VPS13B: variants seen among roughly 807,000 people sequenced by gnomAD.
VPS13B encodes the protein intermembrane lipid transfer protein VPS13B.
In VPS13B, 285 loss-of-function variants were observed where a neutral mutation model predicts 426.4. That is an observed-to-expected ratio of 0.67 (90% CI 0.61 to 0.74). The LOEUF (loss-of-function observed/expected upper bound fraction) is 0.74. VPS13B is among the 30% of genes least tolerant of loss of function. VPS13B has a pLI of 0.00. For synonymous variants in VPS13B, 1,676 were observed against 1,676.4 expected (o/e 1.00, Z 0.01); for missense variants, 4,537 against 4,782.6 (o/e 0.95, Z 1.51).
intron 3 of VPS13B, among the ~76,000 whole-genome samples, chr8:99,085,063 T>C (rs1845699626): frequency 6.6e-6 from 1 of 152,190 alleles, no homozygotes; most frequent in Admixed American, 6.5e-5. Flanking sequence ...TGTTAACATC[T>C]CCCATTATTA....
chr8:99,793,566 T>C (rs1379948596), intron 43 of VPS13B, among the ~76,000 whole-genome samples: 2 of 152,052 alleles, frequency 1.3e-5, no homozygotes, highest in East Asian at 3.9e-4. Flanking sequence ...ATCACCAGGA[T>C]TTATTATTGA....
At chr8:99,055,994 T>A (rs1488473600) in intron 3 of VPS13B, among the ~76,000 whole-genome samples, 1 of 150,430 alleles carries the variant, frequency 6.6e-6, no homozygotes. Context: ...TCCCACCTTG[T>A]CCTCCCAAGG....
At position 99,321,048 on chromosome 8, in the gene VPS13B, A is replaced by T. The variant is rs564154043; in HGVS notation, c.2824+45794A>T. ...ATTCAGTCACTCCACAAGAAAAGTA[A>T]CTATTGTCAGTTACAGACTGTAGTA... is the stretch of plus-strand genomic sequence containing the variant. On this transcript the variant is annotated intron_variant, in intron 19 of 61. Coordinates refer to ENST00000357162, the MANE Select transcript of VPS13B (RefSeq NM_152564.5). 2.6e-5 allele frequency among the ~76,000 whole-genome samples: 4 copies of T among 152,316 alleles called. No individual in the cohort carries two copies. In the South Asian group the frequency reaches 8.3e-4, roughly 32 times the overall value.
At chr8:99,561,119 T>A (rs1824899522) in intron 31 of VPS13B, among the ~76,000 whole-genome samples, 2 of 152,202 alleles carry the variant, frequency 1.3e-5, no homozygotes, top group African/African-American at 4.8e-5. Context: ...CTACCACCTC[T>A]GTCTAGTTCC....
In VPS13B at chr8:99,557,592, C is replaced by A. The variant is rs184861619; in HGVS notation, c.4949+939C>A. The stretch of plus-strand genomic sequence containing the variant: ...CACCTCTTTACAATTGCGAATTGTG[C>A]TGCTATTAACATGTGTGTGCATGTG... On this transcript the variant is annotated intron_variant, in intron 31 of 61. Coordinates refer to ENST00000357162, the MANE Select transcript of VPS13B (RefSeq NM_152564.5). Among the ~76,000 whole-genome samples, 8 of 152,200 alleles carry A rather than the reference C, an allele frequency of 5.3e-5. No homozygotes were observed. In the East Asian group the frequency reaches 1.2e-3, roughly 22 times the overall value.
intron 19 of VPS13B, among the ~76,000 whole-genome samples, chr8:99,302,241 G>A (rs1182969370): frequency 6.6e-6 from 1 of 152,162 alleles, no homozygotes; most frequent in Non-Finnish European, 1.5e-5. Flanking sequence ...GAACACTTTA[G>A]TATTTTGATG....
At chr8:99,223,005 T>A (rs1815812214) in intron 17 of VPS13B, among the ~76,000 whole-genome samples, 1 of 152,038 alleles carries the variant, frequency 6.6e-6, no homozygotes, top group Non-Finnish European at 1.5e-5. Flanking sequence ...CCCAGCTAAT[T>A]TCTATATTTT....
At chr8:99,564,182 T>C (rs1269451109) in intron 31 of VPS13B, among the ~76,000 whole-genome samples, 1 of 151,400 alleles carries the variant, frequency 6.6e-6, no homozygotes, top group African/African-American at 2.4e-5. Flanking sequence ...AAAACCTTAA[T>C]TTTTTTTTAT....
intron 51 of VPS13B, 127 bp downstream of exon 51, chr8:99,824,105 T>C: frequency 4.2e-6 from 5 of 1,199,314 alleles, no homozygotes; most frequent in Non-Finnish European, 6.0e-6. Flanking sequence ...AATTCACTTA[T>C]TTTTGTTGTA....
At position 99,467,418 on chromosome 8, in the gene VPS13B, T is replaced by C. The variant is rs1382353814; in HGVS notation, c.3450T>C (p.Asp1150=). The C allele has an allele frequency of 1.2e-6, 2 of 1,613,730 alleles. No homozygotes were observed. The highest frequency in any genetic ancestry group is 1.7e-6 in the Non-Finnish European group (2 of 1,179,700). ...VIPRPILEEG[D]AFPWTISLHN... is the part of the protein sequence containing the mutation. ...CCCTTTTATCCCCTATATCAGGTGATGCTTTTCCTTGGACGATCAGCTTGC... is the reference window on the plus strand; with the variant it reads ...CCCTTTTATCCCCTATATCAGGTGACGCTTTTCCTTGGACGATCAGCTTGC... The change falls in exon 24 of 62, where the codon GAT becomes GAC. Residue 1150 remains aspartate (D), a synonymous_variant. Coordinates refer to ENST00000357162, the MANE Select transcript of VPS13B (RefSeq NM_152564.5).
intron 21 of VPS13B, among the ~76,000 whole-genome samples, chr8:99,428,794 T>G (rs562733207): frequency 2.6e-5 from 4 of 152,022 alleles, no homozygotes; most frequent in African/African-American, 9.7e-5. Context: ...ATGCCCAAAG[T>G]ATTATAAATC....
chr8:99,684,540 G>A (rs1421633599), intron 35 of VPS13B, among the ~76,000 whole-genome samples: 1 of 152,134 alleles, frequency 6.6e-6, no homozygotes, highest in Non-Finnish European at 1.5e-5. Flanking sequence ...GGGGGTAGGG[G>A]AGGAAAAATT....
chr8:99,696,098 C>A, intron 35 of VPS13B: 1 of 158,272 alleles, frequency 6.3e-6, no homozygotes, highest in South Asian at 1.9e-4. Context: ...GCAGAAGTGC[C>A]CACGCACGGT....
At chr8:99,669,650 C>T (rs1190083900) in intron 35 of VPS13B, among the ~76,000 whole-genome samples, 1 of 152,106 alleles carries the variant, frequency 6.6e-6, no homozygotes, top group African/African-American at 2.4e-5. Flanking sequence ...TGGTCTTTTT[C>T]TCCTAATAGA....
chr8:99,747,725 AT>A (rs1176373634), intron 39 of VPS13B, among the ~76,000 whole-genome samples: 1 of 152,074 alleles, frequency 6.6e-6, no homozygotes, highest in Non-Finnish European at 1.5e-5. Context: ...TCTTAAATTA[AT>A]GCCATTCATT....
intron 54 of VPS13B, among the ~76,000 whole-genome samples, chr8:99,843,718 A>C (rs1046813406): frequency 6.6e-6 from 1 of 152,216 alleles, no homozygotes; most frequent in Non-Finnish European, 1.5e-5. Context: ...ACTGTTTCTA[A>C]TCCTGAAGGA....
intron 35 of VPS13B, among the ~76,000 whole-genome samples, chr8:99,675,604 T>C (rs1830901594): frequency 6.6e-6 from 1 of 152,164 alleles, no homozygotes; most frequent in Admixed American, 6.6e-5. Flanking sequence ...CTTTTGATGC[T>C]GTCCCATGAA....
In VPS13B at chr8:99,817,594, C is replaced by T. The variant is rs1488576267; in HGVS notation, c.8152C>T (p.Leu2718=). 3.1e-6 allele frequency: 5 copies of T among 1,613,892 alleles called. No homozygotes were observed. Among genetic ancestry groups the T allele is most frequent in the Non-Finnish European group, 4.2e-6 (5 of 1,179,972 alleles). Residue 2718 remains leucine (L), a synonymous_variant, in exon 45 of 62, where the codon CTA becomes TTA. Transcript: ENST00000357162. ...ICSYLSQSIE[L]KVVQHYIGQD... is the part of the protein sequence containing the mutation. ...TAGTTACTTGTCTCAAAGCATAGAA[C>T]TAAAAGTCGTTCAGCATTACATTGG...
At position 99,837,911 on chromosome 8, in the gene VPS13B, A is replaced by G. The variant is rs566147674; in HGVS notation, c.9942+2173A>G. Among the ~76,000 whole-genome samples, 3 of 152,348 alleles carry G rather than the reference A, an allele frequency of 2.0e-5. No individual in the cohort carries two copies. In the South Asian group the frequency reaches 6.2e-4, roughly 32 times the overall value. Reference sequence around the variant, plus strand: ...CCTAAACAAGCAAAATCAAAACACCATAAAATGCCCATTATGCTGCAAGGA... The same window carrying G: ...CCTAAACAAGCAAAATCAAAACACCGTAAAATGCCCATTATGCTGCAAGGA... On this transcript the variant is annotated intron_variant, in intron 54 of 61. Transcript: ENST00000357162.
Sources: allele counts gnomAD v4.1 joint callset (sites outside exome capture counted in the v4.1 genomes callset), GRCh38; gene constraint gnomAD v4.1.1; transcripts MANE v1.5; gene names NCBI Gene and HGNC (gene_info 2026-07-23, HGNC 2026-07-21).